KDM4C: variants seen among roughly 807,000 people sequenced by gnomAD.
KDM4C encodes the protein lysine demethylase 4C.
KDM4C carries 81 observed loss-of-function variants against 129.3 expected under a neutral mutation model. The ratio of observed to expected loss-of-function variants is 0.63; its 90% CI spans 0.52 to 0.75. The LOEUF is 0.75. Among genes scored for constraint, KDM4C ranks in the 30% least tolerant of loss-of-function variants. KDM4C has a pLI of 0.00. For missense variants in KDM4C, 1,457 were observed against 1,304.0 expected (o/e 1.12, Z -1.81); for synonymous variants, 573 against 456.1 (o/e 1.26, Z -3.26).
chr9:7,113,875 G>A (rs919166779), intron 18 of KDM4C, among the ~76,000 whole-genome samples: 1 of 152,122 alleles, frequency 6.6e-6, no homozygotes, highest in Non-Finnish European at 1.5e-5. Flanking sequence ...GGAGTGTGGT[G>A]TATTCAAAAC....
chr9:6,823,662 A>G (rs1342466492), intron 4 of KDM4C, among the ~76,000 whole-genome samples: 1 of 152,196 alleles, frequency 6.6e-6, no homozygotes, highest in Non-Finnish European at 1.5e-5. Flanking sequence ...CTCCTGTACC[A>G]GCCAGATAAT....
chr9:7,040,401 G>GTGCA (rs1275365909), intron 15 of KDM4C, among the ~76,000 whole-genome samples: 3 of 114,634 alleles, frequency 2.6e-5, no homozygotes, highest in African/African-American at 1.2e-4. Context: ...GTGTGTGTGT[G>GTGCA]TGTGCGTGTG....
chr9:7,038,319 A>G (rs1371256845), intron 15 of KDM4C, among the ~76,000 whole-genome samples: 1 of 152,032 alleles, frequency 6.6e-6, no homozygotes, highest in African/African-American at 2.4e-5. Flanking sequence ...TTTTTACAGA[A>G]AACTACTTAA....
At chr9:7,016,021 G>C (rs1823595973) in intron 15 of KDM4C, 92 bp downstream of exon 15, 1 of 860,186 alleles carries the variant, frequency 1.2e-6, no homozygotes, top group Non-Finnish European at 1.9e-6. Context: ...AGATTGCTCA[G>C]GTGCTTATAT....
At chr9:6,890,252 G>A (rs565304956) in intron 7 of KDM4C, among the ~76,000 whole-genome samples, 8 of 152,268 alleles carry the variant, frequency 5.3e-5, no homozygotes, top group Middle Eastern at 3.4e-3. Flanking sequence ...TAATCTTTCC[G>A]AGCTTTAGTT....
intron 1 of KDM4C, chr9:6,734,933 CT>C: frequency 3.5e-6 from 2 of 574,006 alleles, no homozygotes; most frequent in Non-Finnish European, 3.5e-6. Context: ...GGCTGTGCAA[CT>C]TTTCAGAGGG....
In KDM4C at chr9:6,981,098, A is replaced by T. The variant is rs200492797; in HGVS notation, c.1095A>T (p.Lys365Asn). Residue 365 changes from lysine (K) to asparagine (N), a missense_variant, in exon 9 of 22, where the codon AAA (lysine) becomes AAT (asparagine). Lys to Asn is a moderately conservative substitution (Grantham distance 94, BLOSUM62 0). Coordinates refer to ENST00000381309, the MANE Select transcript of KDM4C (RefSeq NM_015061.6). ...EVKAWLQRRR[K>N]VRKASRSFQC... ...AAGCATGGCTGCAGAGGAGGAGGAA[A>T]GTAAGAAAAGCATCCCGAAGGTAAT... The T allele has an allele frequency of 3.7e-6, 6 of 1,611,936 alleles. No individual in the cohort carries two copies. Among genetic ancestry groups the T allele is most frequent in the Non-Finnish European group, 5.1e-6 (6 of 1,179,194 alleles).
intron 5 of KDM4C, among the ~76,000 whole-genome samples, chr9:6,850,344 A>G (rs1022588146): frequency 6.6e-6 from 1 of 152,216 alleles, no homozygotes; most frequent in Non-Finnish European, 1.5e-5. Flanking sequence ...CATTTGTTGG[A>G]TGGTATGTAG....
chr9:6,965,314 T>C (rs1830761534), intron 8 of KDM4C, among the ~76,000 whole-genome samples: 1 of 151,454 alleles, frequency 6.6e-6, no homozygotes, highest in Admixed American at 6.6e-5. Flanking sequence ...TATTTGGATA[T>C]ATTAGGTATA....
chr9:7,084,529 T>G (rs1544055), intron 17 of KDM4C, among the ~76,000 whole-genome samples: 4 of 152,110 alleles, frequency 2.6e-5, no homozygotes, highest in African/African-American at 9.7e-5. Context: ...TGATTATGGC[T>G]TTGTGTAGGT....
At chr9:7,011,592 G>A (rs1219265606) in intron 12 of KDM4C, 106 bp from the exon 13 acceptor site, 24 of 1,037,376 alleles carry the variant, frequency 2.3e-5, no homozygotes, top group East Asian at 7.2e-5. Flanking sequence ...TTTGGTTTCC[G>A]GCCTTAATAT....
intron 1 of KDM4C, among the ~76,000 whole-genome samples, chr9:6,737,087 C>T (rs942069309): frequency 3.3e-5 from 5 of 150,320 alleles, no homozygotes; most frequent in African/African-American, 1.2e-4. Context: ...TTTTCAGTCC[C>T]ACTGGACTAG....
At chr9:6,941,609 A>G (rs998731248) in intron 8 of KDM4C, 3 of 152,240 alleles carry the variant, frequency 2.0e-5, no homozygotes, top group African/African-American at 7.2e-5. Context: ...GCATGCAGCC[A>G]TGTGAACTGA....
At chr9:6,862,697 C>G (rs563221569) in intron 5 of KDM4C, among the ~76,000 whole-genome samples, 89 of 152,086 alleles carry the variant, frequency 5.9e-4, no homozygotes, top group Non-Finnish European at 1.1e-3. Flanking sequence ...ATCCCAGCTA[C>G]TCAGGAGGCT....
chr9:6,826,699 C>T (rs1833938048), intron 4 of KDM4C, among the ~76,000 whole-genome samples: 2 of 151,984 alleles, frequency 1.3e-5, no homozygotes, highest in South Asian at 2.1e-4. Flanking sequence ...AACCCTGTCT[C>T]TACTAAAAAT....
chr9:7,075,358 C>T (rs1433054897), intron 17 of KDM4C, among the ~76,000 whole-genome samples: 1 of 152,098 alleles, frequency 6.6e-6, no homozygotes, highest in Non-Finnish European at 1.5e-5. Flanking sequence ...TGTTGAAACT[C>T]GATCCCAGTG....
chr9:7,004,552 T>G (rs1821309518), intron 12 of KDM4C, among the ~76,000 whole-genome samples: 1 of 152,216 alleles, frequency 6.6e-6, no homozygotes, highest in Non-Finnish European at 1.5e-5. Context: ...CTCAAAAGCA[T>G]TTCTTCTAAT....
intron 6 of KDM4C, among the ~76,000 whole-genome samples, chr9:6,885,829 A>C (rs1441577058): frequency 6.6e-6 from 1 of 152,210 alleles, no homozygotes; most frequent in Non-Finnish European, 1.5e-5. Context: ...GCATATTGTA[A>C]ATATAAATTC....
At chr9:7,004,158 C>G (rs891942900) in intron 12 of KDM4C, among the ~76,000 whole-genome samples, 4 of 152,228 alleles carry the variant, frequency 2.6e-5, no homozygotes, top group Non-Finnish European at 4.4e-5. Flanking sequence ...GTTCCATCCA[C>G]AAGTCCTGGC....
Sources: allele counts gnomAD v4.1 joint callset (sites outside exome capture counted in the v4.1 genomes callset), GRCh38; gene constraint gnomAD v4.1.1; transcripts MANE v1.5; gene names NCBI Gene and HGNC (gene_info 2026-07-23, HGNC 2026-07-21).